The following CSMD1 variants were observed in gnomAD, a reference collection of about 807,000 sequenced individuals.
CSMD1 encodes CUB and sushi domain-containing protein 1.
A neutral mutation model predicts 417.5 loss-of-function variants in CSMD1; 213 were observed. The observed-to-expected ratio is 0.51, with a 90% confidence interval of 0.46 to 0.57. The LOEUF (loss-of-function observed/expected upper bound fraction) is 0.57. Ranked by LOEUF, CSMD1 falls within the 20% of genes least tolerant of loss-of-function variation. The pLI is 0.00. For missense variants in CSMD1, 6,923 were observed against 4,529.7 expected (o/e 1.53, Z -15.17); for synonymous variants, 2,862 against 1,736.8 (o/e 1.65, Z -16.11).
At chr8:4,265,168 G>C (rs1017971478) in intron 3 of CSMD1, among the ~76,000 whole-genome samples, 11 of 151,420 alleles carry the variant, frequency 7.3e-5, no homozygotes, top group African/African-American at 2.2e-4. Context: ...AAAATAAATA[G>C]TGGAACCTGT....
chr8:3,262,540 A>T (rs1801156652), intron 26 of CSMD1, among the ~76,000 whole-genome samples: 1 of 144,848 alleles, frequency 6.9e-6, no homozygotes, highest in Non-Finnish European at 1.6e-5. Context: ...GGGCCAAATG[A>T]AAAAAAAAAG....
At chr8:4,208,274 G>A (rs1342161644) in intron 3 of CSMD1, among the ~76,000 whole-genome samples, 2 of 152,018 alleles carry the variant, frequency 1.3e-5, no homozygotes, top group Admixed American at 6.6e-5. Context: ...ATACACAGAG[G>A]ACAAGAAACA....
intron 5 of CSMD1, among the ~76,000 whole-genome samples, chr8:3,973,522 G>C (rs894811229): frequency 6.6e-6 from 1 of 152,126 alleles, no homozygotes; most frequent in Middle Eastern, 3.4e-3. Flanking sequence ...TCTGGTATAA[G>C]AACAAACGTA....
chr8:4,368,233 G>A (rs1802199173), intron 3 of CSMD1, among the ~76,000 whole-genome samples: 1 of 152,154 alleles, frequency 6.6e-6, no homozygotes, highest in Admixed American at 6.5e-5. Context: ...GGCATTTTCT[G>A]TGTCTACTGA....
intron 7 of CSMD1, among the ~76,000 whole-genome samples, chr8:3,707,496 G>C (rs573045642): frequency 6.6e-5 from 10 of 152,218 alleles, no homozygotes; most frequent in African/African-American, 2.2e-4. Flanking sequence ...AGTCCTAGAA[G>C]AAGCGTGAGC....
chr8:3,131,414 A>T (rs1044136260), intron 41 of CSMD1, among the ~76,000 whole-genome samples: 4 of 152,004 alleles, frequency 2.6e-5, no homozygotes, highest in African/African-American at 9.7e-5. Context: ...ACTAAATGAA[A>T]CAAAGCAATG....
At chr8:3,296,230 C>T (rs569523858) in intron 25 of CSMD1, among the ~76,000 whole-genome samples, 3 of 151,876 alleles carry the variant, frequency 2.0e-5, no homozygotes, top group Admixed American at 2.0e-4. Flanking sequence ...TTGGTGCAGC[C>T]TTGAAGGAGT....
intron 3 of CSMD1, among the ~76,000 whole-genome samples, chr8:4,240,946 A>G (rs916790630): frequency 1.3e-5 from 2 of 152,170 alleles, no homozygotes; most frequent in African/African-American, 2.4e-5. Context: ...ACTTCTGACA[A>G]TTATACCTTC....
At chr8:4,355,055 G>T (rs555633972) in intron 3 of CSMD1, among the ~76,000 whole-genome samples, 1 of 151,950 alleles carries the variant, frequency 6.6e-6, no homozygotes, top group Non-Finnish European at 1.5e-5. Flanking sequence ...GAGGTCAGGA[G>T]ATCGAGACCA....
At chr8:4,149,887 C>G (rs1482985863) in intron 3 of CSMD1, among the ~76,000 whole-genome samples, 7 of 152,102 alleles carry the variant, frequency 4.6e-5, no homozygotes, top group Non-Finnish European at 1.0e-4. Context: ...GACCCAGGTC[C>G]ACTCTAATGT....
intron 10 of CSMD1, among the ~76,000 whole-genome samples, chr8:3,494,186 T>C (rs1313956899): frequency 2.7e-5 from 4 of 147,674 alleles, no homozygotes; most frequent in Non-Finnish European, 5.9e-5. Context: ...AAAGACTTTA[T>C]GAGGATACAA....
chr8:4,740,140 G>A (rs1006725582), intron 1 of CSMD1, among the ~76,000 whole-genome samples: 1 of 151,946 alleles, frequency 6.6e-6, no homozygotes, highest in Non-Finnish European at 1.5e-5. Flanking sequence ...TTCCCTCCCT[G>A]CAGGGATGAC....
At chr8:4,599,545 A>T (rs909150587) in intron 2 of CSMD1, among the ~76,000 whole-genome samples, 1 of 152,060 alleles carries the variant, frequency 6.6e-6, no homozygotes, top group African/African-American at 2.4e-5. Flanking sequence ...AATATATAAA[A>T]TTACAAAAAA....
intron 7 of CSMD1, among the ~76,000 whole-genome samples, chr8:3,680,006 T>A (rs1799569754): frequency 6.6e-6 from 1 of 151,842 alleles, no homozygotes; most frequent in Non-Finnish European, 1.5e-5. Context: ...AGACACAACA[T>A]GCCAGAATCT....
At chr8:3,371,405 T>G (rs914491946) in intron 18 of CSMD1, among the ~76,000 whole-genome samples, 3 of 151,668 alleles carry the variant, frequency 2.0e-5, no homozygotes, top group African/African-American at 7.3e-5. Flanking sequence ...TGTAAGGAGC[T>G]CACAATAGTG....
At chr8:3,649,884 G>A (rs187126188) in intron 7 of CSMD1, among the ~76,000 whole-genome samples, 1 of 152,078 alleles carries the variant, frequency 6.6e-6, no homozygotes, top group East Asian at 1.9e-4. Flanking sequence ...ACATTTTTTT[G>A]AATACTATCT....
At chr8:3,055,637 T>C (rs951533666) in intron 49 of CSMD1, among the ~76,000 whole-genome samples, 1 of 152,238 alleles carries the variant, frequency 6.6e-6, no homozygotes, top group African/African-American at 2.4e-5. Context: ...TAAGAAACTT[T>C]CACAGTTTGG....
chr8:3,630,929 T>G (rs1028223860), intron 7 of CSMD1, among the ~76,000 whole-genome samples: 19 of 152,178 alleles, frequency 1.2e-4, no homozygotes, highest in African/African-American at 3.9e-4. Flanking sequence ...TAGAGAAACA[T>G]GGTATTCACT....
intron 6 of CSMD1, among the ~76,000 whole-genome samples, chr8:3,752,102 C>T (rs559959897): frequency 2.6e-5 from 4 of 152,260 alleles, no homozygotes; most frequent in Admixed American, 1.3e-4. Context: ...CCACCTCCCA[C>T]CGCCAACACG....
Sources: allele counts gnomAD v4.1 joint callset (sites outside exome capture counted in the v4.1 genomes callset), GRCh38; gene constraint gnomAD v4.1.1; transcripts MANE v1.5; gene names NCBI Gene and HGNC (gene_info 2026-07-23, HGNC 2026-07-21).